Variants in ROR2 observed in about 807,000 individuals in gnomAD.
The protein encoded by ROR2 is tyrosine-protein kinase transmembrane receptor ROR2.
A neutral mutation model predicts 74.9 loss-of-function variants in ROR2; 33 were observed. The observed-to-expected ratio is 0.44, with a 90% CI of 0.33 to 0.59. The LOEUF is 0.59. Ranked by LOEUF, ROR2 falls within the 20% of genes least tolerant of loss-of-function variation. ROR2 has a pLI of 0.02. For missense variants in ROR2, 1,216 were observed against 1,313.8 expected (o/e 0.93, Z 1.15); for synonymous variants, 586 against 558.7 (o/e 1.05, Z -0.69).
In ROR2 at chr9:91,723,404, C is replaced by T; in HGVS notation, c.*258G>A. ...ACCACCAGAATCAATGTATACAGCC[C>T]TGGGGATGACCATGTGTCCTGCTCC... is the stretch of plus-strand genomic sequence containing the variant. On this transcript the variant is annotated 3_prime_UTR_variant, in exon 9 of 9. Coordinates refer to ENST00000375708, the MANE Select transcript of ROR2 (RefSeq NM_004560.4). The T allele has an allele frequency of 1.8e-6, 1 of 562,074 alleles. No homozygotes were observed. Among genetic ancestry groups the T allele is most frequent in the Non-Finnish European group, 3.2e-6 (1 of 315,172 alleles). The allele number at this position is 562,074 out of a possible 1,614,324, so 34.8% of individuals were successfully genotyped here.
At chr9:91,930,702 A>AG (rs1309857870) in intron 1 of ROR2, among the ~76,000 whole-genome samples, 1 of 152,236 alleles carries the variant, frequency 6.6e-6, no homozygotes, top group African/African-American at 2.4e-5. Context: ...TCAAAGAGAA[A>AG]GGACAGAAAT....
At chr9:91,848,776 A>C (rs1234701931) in intron 1 of ROR2, among the ~76,000 whole-genome samples, 1 of 151,630 alleles carries the variant, frequency 6.6e-6, no homozygotes, top group African/African-American at 2.4e-5. Context: ...AAAAAAAAAA[A>C]AAAAAAAAAA....
chr9:91,864,258 T>G (rs970982814), intron 1 of ROR2, among the ~76,000 whole-genome samples: 1 of 152,186 alleles, frequency 6.6e-6, no homozygotes, highest in East Asian at 1.9e-4. Context: ...GGGAAAGAGA[T>G]CCACCTGTTT....
At chr9:91,769,787 G>T (rs1395185539) in intron 2 of ROR2, among the ~76,000 whole-genome samples, 1 of 152,186 alleles carries the variant, frequency 6.6e-6, no homozygotes, top group Non-Finnish European at 1.5e-5. Context: ...CATGATCTGA[G>T]GTCCTCCTGT....
At chr9:91,900,781 T>C (rs73519170) in intron 1 of ROR2, among the ~76,000 whole-genome samples, 7,906 of 152,252 alleles carry the variant, frequency 0.052, 269 homozygotes, top group African/African-American at 0.078. Flanking sequence ...CACACCTCAA[T>C]TCTGTGCAAA....
intron 1 of ROR2, among the ~76,000 whole-genome samples, chr9:91,882,053 C>G (rs1216607872): frequency 6.6e-6 from 1 of 152,142 alleles, no homozygotes; most frequent in Non-Finnish European, 1.5e-5. Flanking sequence ...ACAATTAGGA[C>G]AGTTTGGTTC....
Position 91,724,666 on chromosome 9 carries a change from G to A in ROR2, c.1828C>T (p.His610Tyr), listed in dbSNP as rs1420973749. The change falls in exon 9 of 9, where the codon CAC (histidine) becomes TAC (tyrosine). Residue 610 changes from histidine to tyrosine, a missense_variant. His to Tyr is a moderately conservative substitution (Grantham distance 83, BLOSUM62 2). Coordinates refer to ENST00000375708, the MANE Select transcript of ROR2 (RefSeq NM_004560.4). ...GTGGCCAGGTCCTTGTGAACCACGT[G>A]GTGGCTGGATAGGTACTCCATCCCC... ...AAGMEYLSSH[H>Y]VVHKDLATRN... The A allele has an allele frequency of 6.2e-7, 1 of 1,614,188 alleles. No individual in the cohort carries two copies. Among genetic ancestry groups the A allele is most frequent in the Non-Finnish European group, 8.5e-7 (1 of 1,180,038 alleles).
intron 1 of ROR2, among the ~76,000 whole-genome samples, chr9:91,837,227 C>T (rs892104054): frequency 2.6e-5 from 4 of 152,138 alleles, no homozygotes; most frequent in Non-Finnish European, 4.4e-5. Context: ...TCTCAGCCAC[C>T]ACGCCCAGCT....
Position 91,911,933 on chromosome 9 carries a change from C to CAAAAAAAAAAAAA in ROR2, c.97+37921_97+37933dup, listed in dbSNP as rs747087662. The stretch of plus-strand genomic sequence containing the variant: ...CCAGTGTCCATTACCTGAGTCTAAG[C>CAAAAAAAAAAAAA]AAAAAAAAAAAAAAAAAAAAACCAC... On this transcript the variant is annotated intron_variant, in intron 1 of 8. Transcript: ENST00000375708. Among the ~76,000 whole-genome samples, 52 of 76,372 alleles carry CAAAAAAAAAAAAA rather than the reference C, an allele frequency of 6.8e-4. 3 individuals are homozygous for CAAAAAAAAAAAAA. The highest frequency in any genetic ancestry group is 1.6e-3 in the African/African-American group (33 of 20,734). 50.1% of individuals were successfully genotyped at this position (76,372 alleles called of 152,430 possible). A position where few individuals can be genotyped will look rare whatever the true frequency, so the allele number is the denominator to read the frequency against.
intron 4 of ROR2, among the ~76,000 whole-genome samples, chr9:91,741,284 G>C (rs1825231204): frequency 6.8e-6 from 1 of 147,598 alleles, no homozygotes; most frequent in African/African-American, 2.5e-5. Context: ...TGGTGACAGA[G>C]CAAGACTCTG....
intron 1 of ROR2, among the ~76,000 whole-genome samples, chr9:91,812,479 C>T (rs1424710914): frequency 6.6e-6 from 1 of 151,966 alleles, no homozygotes; most frequent in Non-Finnish European, 1.5e-5. Flanking sequence ...AAAACCAACA[C>T]TGAATGTTAT....
intron 1 of ROR2, among the ~76,000 whole-genome samples, chr9:91,935,531 G>A (rs1831660746): frequency 6.6e-6 from 1 of 152,214 alleles, no homozygotes; most frequent in African/African-American, 2.4e-5. Context: ...AATCACACTT[G>A]CTGACAGCCC....
At chr9:91,734,826 T>C (rs908327313) in intron 5 of ROR2, among the ~76,000 whole-genome samples, 4 of 152,196 alleles carry the variant, frequency 2.6e-5, no homozygotes, top group African/African-American at 9.7e-5. Context: ...GCTGTCCTGA[T>C]TGTGTGCAGG....
chr9:91,833,016 T>C (rs545731861), intron 1 of ROR2, among the ~76,000 whole-genome samples: 1 of 152,024 alleles, frequency 6.6e-6, no homozygotes, highest in Non-Finnish European at 1.5e-5. Flanking sequence ...CAGGATGTGG[T>C]ACACAAAAGC....
intron 1 of ROR2, chr9:91,948,690 C>T (rs1287956683): frequency 2.0e-6 from 2 of 985,424 alleles, no homozygotes; most frequent in African/African-American, 3.5e-5. Flanking sequence ...CGTCTCCCAG[C>T]CTGCGACTGT....
chr9:91,737,907 A>G (rs1339100607), intron 4 of ROR2, among the ~76,000 whole-genome samples: 1 of 152,232 alleles, frequency 6.6e-6, no homozygotes, highest in Admixed American at 6.5e-5. Context: ...TATGATTCCA[A>G]TCATATGACA....
Position 91,723,890 on chromosome 9 carries a change from G to T in ROR2, c.2604C>A (p.Ser868=). 1.2e-6 allele frequency: 2 copies of T among 1,614,010 alleles called. No homozygotes were observed. Among genetic ancestry groups the T allele is most frequent in the Middle Eastern group, 1.6e-4 (1 of 6,062 alleles). Residue 868 remains serine, a synonymous_variant, in exon 9 of 9, where the codon TCC becomes TCA. Coordinates refer to ENST00000375708, the MANE Select transcript of ROR2 (RefSeq NM_004560.4). ...KPSSHHSGSG[S]TSTGYVTTAP... ...CCGTGGTGACGTAGCCTGTGCTGGT[G>T]GAGCCACTGCCACTGTGGTGTGAGC...
intron 1 of ROR2, among the ~76,000 whole-genome samples, chr9:91,835,171 T>C (rs1432697021): frequency 6.6e-6 from 1 of 152,160 alleles, no homozygotes; most frequent in East Asian, 1.9e-4. Context: ...CTCCACAACC[T>C]GCTGCCCCCT....
Position 91,950,154 on chromosome 9 carries a change from G to A in ROR2, c.-191C>T. On this transcript the variant is annotated 5_prime_UTR_variant, in exon 1 of 9. Transcript: ENST00000375708. ...CGCCGCTCGGCTCCGGCCACGGCAA[G>A]GGCTGGCTGGGGAGGTTCCTTGGCG... The A allele has an allele frequency of 2.7e-6, 1 of 375,688 alleles. No homozygotes were observed. Among genetic ancestry groups the A allele is most frequent in the Non-Finnish European group, 4.7e-6 (1 of 213,968 alleles). The allele number at this position is 375,688 out of a possible 1,614,324, so 23.3% of individuals were successfully genotyped here. A position where few individuals can be genotyped will look rare whatever the true frequency, so the allele number is the denominator to read the frequency against.
Sources: gnomAD v4.1 joint callset for allele counts (sites outside exome capture counted in the v4.1 genomes callset) on GRCh38, gnomAD v4.1.1 for gene constraint, MANE v1.5 for transcripts, NCBI Gene and HGNC (gene_info 2026-07-23, HGNC 2026-07-21) for gene names.